NAV3: variants seen among roughly 807,000 people sequenced by gnomAD.
The protein encoded by NAV3 is pore membrane and/or filament interacting like protein 1.
Under a neutral mutation model 244.7 loss-of-function variants are expected in NAV3, and 87 were observed. The ratio of observed to expected loss-of-function variants is 0.36; its 90% CI spans 0.30 to 0.42. The LOEUF is 0.42. NAV3 is among the 20% of genes least tolerant of loss of function. NAV3 has a pLI of 1.00. For synonymous variants in NAV3, 1,126 were observed against 1,042.2 expected (o/e 1.08, Z -1.55); for missense variants, 2,663 against 2,893.3 (o/e 0.92, Z 1.83).
intron 2 of NAV3, among the ~76,000 whole-genome samples, chr12:77,730,693 G>C (rs1384984487): frequency 1.3e-5 from 2 of 150,452 alleles, no homozygotes; most frequent in Admixed American, 6.6e-5. Flanking sequence ...AATGCCAAAA[G>C]ATAAAACAAG....
chr12:78,064,577 G>A (rs180793106), intron 12 of NAV3, among the ~76,000 whole-genome samples: 48 of 152,118 alleles, frequency 3.2e-4, no homozygotes, highest in African/African-American at 1.0e-3. Context: ...AATTACCTCT[G>A]TAAAAGTCCT....
At chr12:77,756,397 A>G (rs903933038) in intron 2 of NAV3, among the ~76,000 whole-genome samples, 2 of 151,522 alleles carry the variant, frequency 1.3e-5, no homozygotes, top group Admixed American at 6.6e-5. Context: ...TTTCAGTGAG[A>G]TGTATTTTTA....
intron 1 of NAV3, among the ~76,000 whole-genome samples, chr12:77,861,406 G>C (rs755939102): frequency 6.6e-6 from 1 of 151,636 alleles, no homozygotes; most frequent in Non-Finnish European, 1.5e-5. Context: ...TTTATATTCT[G>C]GTCAAATGCT....
At chr12:77,963,927 T>G (rs1268814765) in intron 3 of NAV3, among the ~76,000 whole-genome samples, 3 of 120,392 alleles carry the variant, frequency 2.5e-5, no homozygotes, top group Admixed American at 9.4e-5. Flanking sequence ...CCTTCCTTCT[T>G]CTCCTCCTTC....
chr12:78,119,602 C>G lies in NAV3; in HGVS notation c.3406C>G (p.Arg1136Gly), dbSNP rs1955578513. The G allele has an allele frequency of 1.2e-6, 2 of 1,614,020 alleles. No individual in the cohort carries two copies. Among genetic ancestry groups the G allele is most frequent in the African/African-American group, 2.7e-5 (2 of 74,910 alleles). The change falls in exon 15 of 40, where the codon CGC becomes GGC. Residue 1136 changes from arginine to glycine, a missense_variant. By Grantham distance (125) the Arg-to-Gly change is moderately radical. Around this residue, in one of 6 missense-constraint regions of NAV3, gnomAD observed 1,521 missense variants for 1,497.0 expected, o/e 1.02. Coordinates refer to ENST00000397909, the MANE Select transcript of NAV3 (RefSeq NM_001024383.2). ...TAGCTCAAAGACTACCCTACAATAT[C>G]GCAGCTTGCCCCGCCCTTCAAAATC... ...HVSSKTTLQYRSLPRPSKSST... is the reference protein window; with the variant it reads ...HVSSKTTLQYGSLPRPSKSST...
intron 2 of NAV3, among the ~76,000 whole-genome samples, chr12:77,679,653 G>T (rs565331131): frequency 2.0e-5 from 3 of 152,186 alleles, no homozygotes; most frequent in Non-Finnish European, 4.4e-5. Context: ...CTGGAGATGG[G>T]ACTGGGGAGC....
chr12:77,616,892 A>G (rs144750300), intron 2 of NAV3, among the ~76,000 whole-genome samples: 296 of 152,328 alleles, frequency 1.9e-3, no homozygotes, highest in African/African-American at 6.9e-3. Flanking sequence ...TAATCCTAAG[A>G]GACTGCTAAT....
intron 2 of NAV3, among the ~76,000 whole-genome samples, chr12:77,662,247 A>ATCTG (rs1421734385): frequency 9.2e-5 from 14 of 151,606 alleles, no homozygotes; most frequent in South Asian, 4.2e-4. Flanking sequence ...CTATCTATCT[A>ATCTG]TCTATCTATC....
chr12:77,589,604 A>G (rs1046420068), intron 2 of NAV3, among the ~76,000 whole-genome samples: 2 of 152,192 alleles, frequency 1.3e-5, no homozygotes, highest in African/African-American at 4.8e-5. Flanking sequence ...ATTCCCTTAT[A>G]AAACCATCAG....
intron 1 of NAV3, among the ~76,000 whole-genome samples, chr12:77,933,587 G>A (rs1889037569): frequency 6.6e-6 from 1 of 152,170 alleles, no homozygotes; most frequent in African/African-American, 2.4e-5. Flanking sequence ...ATTTTAATGT[G>A]AATATTGAGG....
rs1555202961 is a variant in NAV3, at chr12:77,766,735, G to GTTTGTTTTTTTTTTTTTTTTTTTTTTTT, written c.73-173581_73-173580insGTTTTTTTTTTTTTTTTTTTTTTTTTTT. 3.5e-4 allele frequency among the ~76,000 whole-genome samples: 21 copies of GTTTGTTTTTTTTTTTTTTTTTTTTTTTT among 60,514 alleles called. 6 individuals carry two copies. Among genetic ancestry groups the GTTTGTTTTTTTTTTTTTTTTTTTTTTTT allele is most frequent in the Admixed American group, 7.3e-4 (3 of 4,124 alleles). The allele number at this position is 60,514 out of a possible 152,430, so 39.7% of individuals were successfully genotyped here. A position where few individuals can be genotyped will look rare whatever the true frequency, so the allele number is the denominator to read the frequency against. On this transcript the variant is annotated intron_variant, in intron 2 of 8. Coordinates refer to the NAV3 transcript ENST00000550042. Reference sequence around the variant, plus strand: ...AGGATTCTAAAAAACAGGCAATTAAGTTTTTTTTTTTTTTTTTTTTTTTTT... The same window carrying GTTTGTTTTTTTTTTTTTTTTTTTTTTTT: ...AGGATTCTAAAAAACAGGCAATTAAGTTTGTTTTTTTTTTTTTTTTTTTTTTTTTTTTTTTTTTTTTTTTTTTTTTTTT...
At chr12:78,146,750 G>A (rs1956880045) in intron 21 of NAV3, among the ~76,000 whole-genome samples, 1 of 152,012 alleles carries the variant, frequency 6.6e-6, no homozygotes, top group South Asian at 2.1e-4. Context: ...CAGGATAATG[G>A]TTGAAACTTG....
chr12:78,039,415 A>G (rs187599728), intron 9 of NAV3, among the ~76,000 whole-genome samples: 49 of 152,256 alleles, frequency 3.2e-4, no homozygotes, highest in African/African-American at 1.1e-3. Flanking sequence ...AAAAGTAACT[A>G]TAAAGCTTTT....
upstream of NAV3, among the ~76,000 whole-genome samples, chr12:77,829,091 A>G (rs968200321): frequency 1.4e-4 from 21 of 145,590 alleles, no homozygotes; most frequent in African/African-American, 4.6e-4. Context: ...AGAAAACTAA[A>G]AACAAAAACA....
At chr12:78,178,292 T>C (rs1413190577) in intron 28 of NAV3, among the ~76,000 whole-genome samples, 2 of 151,786 alleles carry the variant, frequency 1.3e-5, no homozygotes, top group African/African-American at 4.8e-5. Flanking sequence ...CCTGAGTAGC[T>C]GGGTTTACAG....
chr12:78,082,166 C>A (rs1953389130), intron 12 of NAV3, among the ~76,000 whole-genome samples: 2 of 152,202 alleles, frequency 1.3e-5, no homozygotes, highest in South Asian at 4.1e-4. Context: ...TTTGCTCCTC[C>A]TTGCTTTCTT....
intron 2 of NAV3, among the ~76,000 whole-genome samples, chr12:77,622,174 T>G (rs2136875746): frequency 6.6e-6 from 1 of 151,044 alleles, no homozygotes; most frequent in South Asian, 2.1e-4. Flanking sequence ...CTTTTTTCTT[T>G]TTTGAGACAG....
At chr12:77,825,909 A>G (rs1872970141), upstream of NAV3, among the ~76,000 whole-genome samples, 5 of 152,212 alleles carry the variant, frequency 3.3e-5, no homozygotes, top group Admixed American at 2.6e-4. Flanking sequence ...TATATGAATG[A>G]CAAGCACACA....
chr12:77,589,661 C>T (rs1174503128), intron 2 of NAV3, among the ~76,000 whole-genome samples: 1 of 152,184 alleles, frequency 6.6e-6, no homozygotes, highest in African/African-American at 2.4e-5. Context: ...ATGGGGTAAA[C>T]CACCCCCATG....
Sources: allele counts gnomAD v4.1 joint callset (sites outside exome capture counted in the v4.1 genomes callset), GRCh38; gene constraint gnomAD v4.1.1; regional missense constraint gnomAD v4.1.1; transcripts MANE v1.5; gene names NCBI Gene and HGNC (gene_info 2026-07-23, HGNC 2026-07-21).